Variants in VWC2L observed in about 807,000 individuals in gnomAD.
The protein encoded by VWC2L is von Willebrand factor C domain containing 2 like.
A neutral mutation model predicts 21.6 loss-of-function variants in VWC2L; 10 were observed. The ratio of observed to expected loss-of-function variants is 0.46; its 90% confidence interval spans 0.29 to 0.78. The LOEUF is 0.78. Ranked by LOEUF, VWC2L falls within the 30% of genes least tolerant of loss-of-function variation. The pLI is 0.10. For missense variants in VWC2L, 209 were observed against 277.1 expected (o/e 0.75, Z 1.74); for synonymous variants, 96 against 94.3 (o/e 1.02, Z -0.10).
At chr2:214,475,683 T>A (rs1688505066) in intron 3 of VWC2L, among the ~76,000 whole-genome samples, 2 of 152,078 alleles carry the variant, frequency 1.3e-5, no homozygotes, top group African/African-American at 4.8e-5. Context: ...GTCTCCCAAT[T>A]TTTGAACAGA....
chr2:214,507,839 T>C (rs1688988933), intron 3 of VWC2L, among the ~76,000 whole-genome samples: 1 of 152,168 alleles, frequency 6.6e-6, no homozygotes, highest in Non-Finnish European at 1.5e-5. Context: ...GGGGAATGGG[T>C]TTCAAGGAAT....
At chr2:214,431,190 A>C (rs1702597225) in intron 2 of VWC2L, among the ~76,000 whole-genome samples, 1 of 152,242 alleles carries the variant, frequency 6.6e-6, no homozygotes, top group Non-Finnish European at 1.5e-5. Flanking sequence ...TGAAGTGAAC[A>C]GTGAGATTCC....
intron 3 of VWC2L, among the ~76,000 whole-genome samples, chr2:214,548,209 T>C (rs1455336285): frequency 6.6e-6 from 1 of 152,222 alleles, no homozygotes; most frequent in African/African-American, 2.4e-5. Context: ...TACTTGTTAG[T>C]TCTGAGCCAT....
At chr2:214,554,516 A>T (rs949394838) in intron 3 of VWC2L, among the ~76,000 whole-genome samples, 8 of 152,092 alleles carry the variant, frequency 5.3e-5, no homozygotes, top group Non-Finnish European at 1.0e-4. Flanking sequence ...ATACAAAATT[A>T]GCCGGGTGTG....
At chr2:214,534,981 A>T (rs1017899709) in intron 3 of VWC2L, among the ~76,000 whole-genome samples, 4 of 152,096 alleles carry the variant, frequency 2.6e-5, no homozygotes, top group Admixed American at 6.6e-5. Flanking sequence ...TGCCTGACCC[A>T]TTCAGTTTCT....
At chr2:214,516,685 G>T (rs1356117400) in intron 3 of VWC2L, among the ~76,000 whole-genome samples, 3 of 150,922 alleles carry the variant, frequency 2.0e-5, no homozygotes, top group Admixed American at 1.3e-4. Context: ...AGCTGGGGAA[G>T]AAATGTATAT....
At chr2:214,540,865 C>G (rs1414163994) in intron 3 of VWC2L, among the ~76,000 whole-genome samples, 3 of 152,186 alleles carry the variant, frequency 2.0e-5, no homozygotes, top group Admixed American at 2.0e-4. Context: ...TCATCAGTGA[C>G]AGAGTCAGAC....
chr2:214,462,951 CTGTT>C (rs1313887646), intron 3 of VWC2L, among the ~76,000 whole-genome samples: 5 of 152,226 alleles, frequency 3.3e-5, no homozygotes, highest in Admixed American at 2.0e-4. Flanking sequence ...TTGCAGGTGT[CTGTT>C]TGTGATTTAA....
chr2:214,503,169 A>C (rs1161509650), intron 3 of VWC2L, among the ~76,000 whole-genome samples: 1 of 152,138 alleles, frequency 6.6e-6, no homozygotes, highest in Non-Finnish European at 1.5e-5. Flanking sequence ...TTTGACCTAG[A>C]TCTCTTCATG....
At chr2:214,562,481 T>C (rs1404014658) in intron 3 of VWC2L, among the ~76,000 whole-genome samples, 6 of 152,240 alleles carry the variant, frequency 3.9e-5, no homozygotes, top group Admixed American at 1.3e-4. Flanking sequence ...TGTAACAGAA[T>C]GATTTACATT....
At chr2:214,470,746 T>TA (rs1444120133) in intron 3 of VWC2L, among the ~76,000 whole-genome samples, 31 of 149,992 alleles carry the variant, frequency 2.1e-4, no homozygotes, top group South Asian at 4.2e-4. Flanking sequence ...CCATCTCTAC[T>TA]AAAAAAAAAT....
At chr2:214,519,238 C>G (rs1002319913) in intron 3 of VWC2L, among the ~76,000 whole-genome samples, 1 of 152,050 alleles carries the variant, frequency 6.6e-6, no homozygotes, top group East Asian at 1.9e-4. Flanking sequence ...CACTTCTTAC[C>G]CATGTACTGC....
intron 3 of VWC2L, among the ~76,000 whole-genome samples, chr2:214,448,922 A>G (rs914202150): frequency 2.0e-5 from 3 of 152,030 alleles, no homozygotes; most frequent in Non-Finnish European, 4.4e-5. Context: ...CCAGCACTCA[A>G]TGCCCTCTGA....
intron 3 of VWC2L, 77 bp from the exon 4 acceptor site, chr2:214,575,595 G>GGGCTT: frequency 1.3e-6 from 2 of 1,536,586 alleles, no homozygotes; most frequent in Non-Finnish European, 1.8e-6. Context: ...TATGGCTTTG[G>GGGCTT]GGCTTGGGTT....
chr2:214,436,578 G>T, intron 2 of VWC2L, 51 bp from the exon 3 acceptor site: 1 of 1,600,860 alleles, frequency 6.2e-7, no homozygotes, highest in Non-Finnish European at 8.5e-7. Context: ...ATATGAATGT[G>T]CAAGCATTAA....
intron 3 of VWC2L, among the ~76,000 whole-genome samples, chr2:214,484,246 G>C (rs1196526025): frequency 6.6e-6 from 1 of 152,164 alleles, no homozygotes; most frequent in Admixed American, 6.5e-5. Context: ...ATTTTGAGGT[G>C]CTGAATGGAC....
At chr2:214,461,627 C>T (rs1008373034) in intron 3 of VWC2L, among the ~76,000 whole-genome samples, 1 of 152,128 alleles carries the variant, frequency 6.6e-6, no homozygotes, top group African/African-American at 2.4e-5. Flanking sequence ...TGGGGCAATC[C>T]ACAGGTCCTG....
chr2:214,445,426 A>G (rs72939563), intron 3 of VWC2L, among the ~76,000 whole-genome samples: 19,426 of 150,160 alleles, frequency 0.13, 1,524 homozygotes, highest in Non-Finnish European at 0.17. Context: ...AATATTATAG[A>G]AAAAAAAAGC....
chr2:214,502,483 T>A (rs1688908758), intron 3 of VWC2L, among the ~76,000 whole-genome samples: 1 of 152,012 alleles, frequency 6.6e-6, no homozygotes, highest in African/African-American at 2.4e-5. Flanking sequence ...GGCAAGAGAA[T>A]CACTTGAACC....
Sources: allele counts gnomAD v4.1 joint callset (sites outside exome capture counted in the v4.1 genomes callset), GRCh38; gene constraint gnomAD v4.1.1; transcripts MANE v1.5; gene names NCBI Gene and HGNC (gene_info 2026-07-23, HGNC 2026-07-21).